BASP1: variants seen among roughly 807,000 people sequenced by gnomAD.
The protein encoded by BASP1 is brain abundant membrane attached signal protein 1, also known as brain acid soluble protein 1.
In BASP1, 1 loss-of-function variant was observed where a neutral mutation model predicts 2.2. That is an observed-to-expected ratio of 0.46 (90% CI 0.16 to 2.17). The LOEUF (loss-of-function observed/expected upper bound fraction) is 2.17, where lower values mean the gene tolerates loss of function less well. BASP1 is among the 30% of genes most tolerant of loss of function. The pLI is 0.27. For synonymous variants in BASP1, 187 were observed against 154.2 expected (o/e 1.21, Z -1.58); for missense variants, 352 against 327.2 (o/e 1.08, Z -0.58).
intron 1 of BASP1, among the ~76,000 whole-genome samples, chr5:17,250,227 G>A (rs2962368): frequency 0.22 from 33,510 of 152,156 alleles, 3,826 homozygotes; most frequent in South Asian, 0.29. Flanking sequence ...GATGATAGGC[G>A]TGAGCCACCG....
chr5:17,249,816 C>A (rs564122370), intron 1 of BASP1, among the ~76,000 whole-genome samples: 1 of 152,116 alleles, frequency 6.6e-6, no homozygotes, highest in South Asian at 2.1e-4. Flanking sequence ...TTTTTCTTGA[C>A]CATTTGTAAG....
intron 1 of BASP1, among the ~76,000 whole-genome samples, chr5:17,263,060 G>T (rs2126515658): frequency 6.6e-6 from 1 of 152,204 alleles, no homozygotes; most frequent in Non-Finnish European, 1.5e-5. Flanking sequence ...TATTAGCCAG[G>T]ATGGTCTCGA....
rs569707948 is a variant in BASP1 at position 17,263,797 on chromosome 5, A to G, written c.-9-11411A>G. ...CAGTGAGGAACATTTTTATTGTGAC[A>G]AGGTAATAAATTGTCTCGAATGTTT... On this transcript the variant is annotated intron_variant, in intron 1 of 1. Coordinates refer to ENST00000322611, the MANE Select transcript of BASP1 (RefSeq NM_006317.5). 5.9e-5 allele frequency among the ~76,000 whole-genome samples: 9 copies of G among 152,352 alleles called. No homozygotes were observed. In the South Asian group the frequency reaches 1.9e-3, roughly 32 times the overall value.
rs141507545 is a variant in BASP1, at chr5:17,223,041, G to A, written c.-10+5231G>A. ...TATAAACTCTTTTTTTTTTTGGTTC[G>A]TTTTGAAGGAGGCAGGACTGGACTT... On this transcript the variant is annotated intron_variant, in intron 1 of 1. Transcript: ENST00000322611. 7.8e-4 allele frequency among the ~76,000 whole-genome samples: 117 copies of A among 149,270 alleles called. 3 individuals are homozygous for A. The East Asian group carries it at 0.02, about 26-fold the overall frequency.
chr5:17,238,861 G>A (rs1445202741), intron 1 of BASP1, among the ~76,000 whole-genome samples: 3 of 152,100 alleles, frequency 2.0e-5, no homozygotes, highest in Admixed American at 6.5e-5. Flanking sequence ...TCTGTTTTCC[G>A]TTCAACTTTG....
rs1394132148 is a variant in BASP1, at chr5:17,260,537, C to T, written c.-9-14671C>T. On this transcript the variant is annotated intron_variant, in intron 1 of 1. Coordinates refer to ENST00000322611, the MANE Select transcript of BASP1 (RefSeq NM_006317.5). The surrounding 1 kb of genome is among the most constrained non-coding windows in gnomAD (Gnocchi z 4.2). ...TTGTGATCATGGATGGCGCCTGGAA[C>T]TTGACCGCATTTCATTTAATGCAAC... is the stretch of plus-strand genomic sequence containing the variant. 1.3e-5 allele frequency among the ~76,000 whole-genome samples: 2 copies of T among 152,174 alleles called. No individual in the cohort carries two copies. Among genetic ancestry groups the T allele is most frequent in the East Asian group, 1.9e-4 (1 of 5,202 alleles).
At chr5:17,232,552 C>T (rs754260860) in intron 1 of BASP1, among the ~76,000 whole-genome samples, 1 of 152,140 alleles carries the variant, frequency 6.6e-6, no homozygotes, top group African/African-American at 2.4e-5. Context: ...AGCACCTAAC[C>T]GAACCTGTGG....
rs1035046332 is a variant in BASP1, at chr5:17,275,967, C to A, written c.*67C>A. 3.6e-5 allele frequency: 43 copies of A among 1,184,412 alleles called. No homozygotes were observed. Among genetic ancestry groups the A allele is most frequent in the Admixed American group, 6.1e-5 (2 of 32,660 alleles). 73.4% of individuals were successfully genotyped at this position (1,184,412 alleles called of 1,614,324 possible). A position where few individuals can be genotyped will look rare whatever the true frequency, so the allele number is the denominator to read the frequency against. ...CTCCTCTCTCTCTCTCTCTCTCTCT[C>A]TCTATCTCTCTCTCTATCTCCTCTC... is the stretch of plus-strand genomic sequence containing the variant. On this transcript the variant is annotated 3_prime_UTR_variant, in exon 2 of 2. Coordinates refer to ENST00000322611, the MANE Select transcript of BASP1 (RefSeq NM_006317.5). This position sits in a 1 kb window ranked among gnomAD's most constrained non-coding sequence, Gnocchi z 5.3.
chr5:17,235,072 G>A (rs923819721), intron 1 of BASP1, among the ~76,000 whole-genome samples: 3 of 152,150 alleles, frequency 2.0e-5, no homozygotes, highest in Non-Finnish European at 2.9e-5. Flanking sequence ...ATTTCCAAGA[G>A]TAGCTAGTTC....
intron 1 of BASP1, among the ~76,000 whole-genome samples, chr5:17,267,517 T>G (rs1022332980): frequency 1.3e-5 from 2 of 150,974 alleles, no homozygotes; most frequent in African/African-American, 4.9e-5. Flanking sequence ...TATTTTTTTT[T>G]GCTTTTTTTT....
At chr5:17,232,537 T>G (rs995154383) in intron 1 of BASP1, among the ~76,000 whole-genome samples, 1 of 152,204 alleles carries the variant, frequency 6.6e-6, no homozygotes, top group Non-Finnish European at 1.5e-5. Flanking sequence ...TGGATGTCAG[T>G]TTCTAGCACC....
intron 1 of BASP1, among the ~76,000 whole-genome samples, chr5:17,239,148 C>G (rs1325844700): frequency 6.6e-6 from 1 of 151,986 alleles, no homozygotes; most frequent in Non-Finnish European, 1.5e-5. Flanking sequence ...GGCTGGAGTG[C>G]AGTGGCATGA....
intron 1 of BASP1, among the ~76,000 whole-genome samples, chr5:17,269,234 G>C (rs899945274): frequency 6.6e-6 from 1 of 152,188 alleles, no homozygotes. Context: ...AAATGTACAC[G>C]TTTATTTATT....
At chr5:17,225,641 T>C (rs1433857295) in intron 1 of BASP1, among the ~76,000 whole-genome samples, 3 of 152,298 alleles carry the variant, frequency 2.0e-5, no homozygotes, top group African/African-American at 4.8e-5. Flanking sequence ...GGCTTTAGAC[T>C]TATTTGGGGG....
At chr5:17,220,344 T>A (rs1689421766) in intron 1 of BASP1, among the ~76,000 whole-genome samples, 2 of 152,186 alleles carry the variant, frequency 1.3e-5, no homozygotes, top group African/African-American at 4.8e-5. Context: ...TTCTTTTTTC[T>A]TTTCCTTTAG....
chr5:17,257,748 A>G (rs1740242461), intron 1 of BASP1, among the ~76,000 whole-genome samples: 1 of 152,204 alleles, frequency 6.6e-6, no homozygotes, highest in Non-Finnish European at 1.5e-5. Context: ...TTGAACTAAA[A>G]GAGGAAAACC....
intron 1 of BASP1, among the ~76,000 whole-genome samples, chr5:17,253,497 G>C (rs1740141921): frequency 6.6e-6 from 1 of 152,192 alleles, no homozygotes; most frequent in Non-Finnish European, 1.5e-5. Context: ...ACAGGCATGA[G>C]CTACCATGTC....
intron 1 of BASP1, among the ~76,000 whole-genome samples, chr5:17,232,076 A>C (rs1739642715): frequency 5.3e-5 from 8 of 152,226 alleles, no homozygotes. Flanking sequence ...AGTTGTTCTA[A>C]AGCCCTGAGA....
At chr5:17,247,215 A>G (rs1250737855) in intron 1 of BASP1, among the ~76,000 whole-genome samples, 1 of 152,158 alleles carries the variant, frequency 6.6e-6, no homozygotes, top group Non-Finnish European at 1.5e-5. Flanking sequence ...TAGATAGATA[A>G]ATGCCATTTG....
Sources: gnomAD v4.1 joint callset for allele counts (sites outside exome capture counted in the v4.1 genomes callset) on GRCh38, gnomAD v4.1.1 for gene constraint, Gnocchi (gnomAD v3.1) non-coding constraint, MANE v1.5 for transcripts, NCBI Gene and HGNC (gene_info 2026-07-23, HGNC 2026-07-21) for gene names.